The following KCNN4 variants were observed in gnomAD, a reference collection of about 807,000 sequenced individuals.
KCNN4 encodes intermediate conductance calcium-activated potassium channel protein 4.
In KCNN4, 31 loss-of-function variants were observed where a neutral mutation model predicts 45.2. The ratio of observed to expected loss-of-function variants is 0.69; its 90% CI spans 0.52 to 0.92. The LOEUF (loss-of-function observed/expected upper bound fraction) is 0.92. Ranked by LOEUF, KCNN4 falls within the 40% of genes least tolerant of loss-of-function variation. KCNN4 has a pLI of 0.00. For synonymous variants in KCNN4, 231 were observed against 254.6 expected (o/e 0.91, Z 0.88); for missense variants, 463 against 574.0 (o/e 0.81, Z 1.98).
rs141424796 is a variant in KCNN4, at chr19:43,774,829, C to T, written c.256-210G>A. ...TTTTCCTCCTTCCCCACCACCCACC[C>T]CACTAGTTTCAGCCCACTTCCAGCC... is the stretch of plus-strand genomic sequence containing the variant. On this transcript the variant is annotated intron_variant, in intron 2 of 8. Coordinates refer to ENST00000648319, the MANE Select transcript of KCNN4 (RefSeq NM_002250.3). This position sits in a 1 kb window ranked among gnomAD's most constrained non-coding sequence, Gnocchi z 5.6. Among the ~76,000 whole-genome samples the T allele has an allele frequency of 3.1e-3, 467 of 152,274 alleles. 4 individuals carry two copies. Among genetic ancestry groups the T allele is most frequent in the African/African-American group, 0.011 (441 of 41,540 alleles).
In KCNN4 at chr19:43,769,905, CGG is replaced by C; in HGVS notation, c.820-78_820-77del. The C allele has an allele frequency of 2.1e-6, 2 of 956,432 alleles. No homozygotes were observed. Among genetic ancestry groups the C allele is most frequent in the South Asian group, 1.4e-5 (1 of 70,558 alleles). 59.2% of individuals were successfully genotyped at this position (956,432 alleles called of 1,614,324 possible). On this transcript the variant is annotated intron_variant, in intron 4 of 8. Coordinates refer to ENST00000648319, the MANE Select transcript of KCNN4 (RefSeq NM_002250.3). This position sits in a 1 kb window ranked among gnomAD's most constrained non-coding sequence, Gnocchi z 4.4. ...CTTGAACCCGCCCAACAGCCACAGACGGTAGGCACGACCATCCCCAGTTAGCA... is the reference window on the plus strand; with the variant it reads ...CTTGAACCCGCCCAACAGCCACAGACTAGGCACGACCATCCCCAGTTAGCA...
At position 43,776,543 on chromosome 19, in the gene KCNN4, G is replaced by C. The variant is rs1395670723; in HGVS notation, c.253C>G (p.Gln85Glu). 6.2e-7 allele frequency: 1 copy of C among 1,609,062 alleles called. No homozygotes were observed. The highest frequency in any genetic ancestry group is 1.7e-5 in the Admixed American group (1 of 60,010). ...LIVAFHAKEV[Q>E]LFMTDNGLRD... ...CTTAGGGGCGGGGCCTGCCCTACCT[G>C]GACCTCTTTGGCATGAAAGGCCACG... is the stretch of plus-strand genomic sequence containing the variant. The change falls in exon 2 of 9, where the codon CAG becomes GAG. Residue 85 changes from glutamine (Q) to glutamate (E), a missense_variant and splice_region_variant. By Grantham distance (29) the Gln-to-Glu change is conservative (BLOSUM62 2). This residue lies in a region of KCNN4 where 225 missense variants were observed against 240.9 expected (regional missense o/e 0.93). Coordinates refer to ENST00000648319, the MANE Select transcript of KCNN4 (RefSeq NM_002250.3).
chr19:43,774,629 G>C lies in KCNN4; in HGVS notation c.256-10C>G, dbSNP rs563995. 1 of 1,486,284 alleles carries C rather than the reference G, an allele frequency of 6.7e-7. No individual in the cohort carries two copies. Among genetic ancestry groups the C allele is most frequent in the African/African-American group, 1.4e-5 (1 of 70,046 alleles). The allele number at this position is 1,486,284 out of a possible 1,614,324, so 92.1% of individuals were successfully genotyped here. ...TGTCGGTCATGAACAGCTGCCGGTA[G>C]GGGGCCAAGAAGGGAGGGGTCAGGA... On this transcript the variant is annotated splice_polypyrimidine_tract_variant and intron_variant, in intron 2 of 8. Transcript: ENST00000648319. The surrounding 1 kb of genome is among the most constrained non-coding windows in gnomAD (Gnocchi z 5.6).
chr19:43,779,959 G>A (rs531548752), intron 1 of KCNN4, among the ~76,000 whole-genome samples: 1 of 152,178 alleles, frequency 6.6e-6, no homozygotes, highest in East Asian at 1.9e-4. Flanking sequence ...TCGGGGGAGA[G>A]GTTTGTTTCC....
Position 43,774,633 on chromosome 19 carries a change from G to T in KCNN4, c.256-14C>A. ...GGTCATGAACAGCTGCCGGTAGGGG[G>T]CCAAGAAGGGAGGGGTCAGGAGCAG... On this transcript the variant is annotated splice_polypyrimidine_tract_variant and intron_variant, in intron 2 of 8. Coordinates refer to ENST00000648319, the MANE Select transcript of KCNN4 (RefSeq NM_002250.3). This position sits in a 1 kb window ranked among gnomAD's most constrained non-coding sequence, Gnocchi z 5.6. The T allele has an allele frequency of 6.7e-7, 1 of 1,486,042 alleles. No homozygotes were observed. 92.1% of individuals were successfully genotyped at this position (1,486,042 alleles called of 1,614,324 possible).
chr19:43,780,871 G>C lies in KCNN4; in HGVS notation c.-10C>G. 1 of 1,613,362 alleles carries C rather than the reference G, an allele frequency of 6.2e-7. No individual in the cohort carries two copies. Among genetic ancestry groups the C allele is most frequent in the Non-Finnish European group, 8.5e-7 (1 of 1,179,720 alleles). ...CCAGATCCCCGCCCATGGCCCCCGGGGTCTTGGGGCTCAGCCAGCTTCCTG... is the reference window on the plus strand; with the variant it reads ...CCAGATCCCCGCCCATGGCCCCCGGCGTCTTGGGGCTCAGCCAGCTTCCTG... On this transcript the variant is annotated 5_prime_UTR_variant, in exon 1 of 9. Transcript: ENST00000648319.
chr19:43,778,246 CT>C (rs35864088), intron 1 of KCNN4, among the ~76,000 whole-genome samples: 131,095 of 149,648 alleles, frequency 0.88, 57,678 homozygotes, highest in South Asian at 0.92. Flanking sequence ...TCTATTGTCT[CT>C]TTTTTTTTTT....
Position 43,780,517 on chromosome 19 carries a change from C to T in KCNN4, c.159+186G>A, listed in dbSNP as rs527298100. The stretch of plus-strand genomic sequence containing the variant: ...GCCCTCAGTCCCTCCTCCCTCAGAC[C>T]CAGGAGTCCAAGTCCCCAGTCCCTC... On this transcript the variant is annotated intron_variant, in intron 1 of 8. Transcript: ENST00000648319. Among the ~76,000 whole-genome samples, 76 of 143,540 alleles carry T rather than the reference C, an allele frequency of 5.3e-4. 2 individuals carry two copies. The highest frequency in any genetic ancestry group is 1.9e-3 in the African/African-American group (70 of 37,332). The allele number at this position is 143,540 out of a possible 152,430, so 94.2% of individuals were successfully genotyped here.
Position 43,769,410 on chromosome 19 carries a change from A to C in KCNN4, c.1049+32T>G. The C allele has an allele frequency of 6.4e-7, 1 of 1,557,120 alleles. No individual in the cohort carries two copies. Among genetic ancestry groups the C allele is most frequent in the Non-Finnish European group, 8.9e-7 (1 of 1,129,520 alleles). On this transcript the variant is annotated intron_variant, in intron 6 of 8. Coordinates refer to ENST00000648319, the MANE Select transcript of KCNN4 (RefSeq NM_002250.3). The surrounding 1 kb of genome is among the most constrained non-coding windows in gnomAD (Gnocchi z 4.4). ...AGAGGTGACTTGGACATGGGTGCAC[A>C]TGGACACGTGTGCATACAAAGCGGC...
intron 2 of KCNN4, among the ~76,000 whole-genome samples, chr19:43,775,644 A>G (rs1207656354): frequency 2.6e-5 from 4 of 152,136 alleles, no homozygotes; most frequent in Non-Finnish European, 5.9e-5. Flanking sequence ...CCCATTTTAC[A>G]TGCAAAGTTA....
chr19:43,780,819 G>C lies in KCNN4; in HGVS notation c.43C>G (p.Arg15Gly). ...LVLGLGALRR[R>G]KRLLEQEKSL... ...TTCTCCTGCTCCAGCAAGCGCTTTCGGCGTCTCAAGGCCCCCAGGCCAAGC... is the reference window on the plus strand; with the variant it reads ...TTCTCCTGCTCCAGCAAGCGCTTTCCGCGTCTCAAGGCCCCCAGGCCAAGC... The change falls in exon 1 of 9, where the codon CGA becomes GGA. Residue 15 changes from arginine (R) to glycine (G), a missense_variant. Physicochemically the swap from Arg to Gly is moderately radical, Grantham distance 125 (BLOSUM62 -2). Around this residue, in one of 3 missense-constraint regions of KCNN4, gnomAD observed 225 missense variants for 240.9 expected, o/e 0.93. Coordinates refer to ENST00000648319, the MANE Select transcript of KCNN4 (RefSeq NM_002250.3). The C allele has an allele frequency of 6.2e-7, 1 of 1,613,906 alleles. No homozygotes were observed. Among genetic ancestry groups the C allele is most frequent in the Non-Finnish European group, 8.5e-7 (1 of 1,179,930 alleles).
intron 1 of KCNN4, among the ~76,000 whole-genome samples, chr19:43,778,494 C>T (rs895341777): frequency 6.6e-6 from 1 of 152,214 alleles, no homozygotes; most frequent in Non-Finnish European, 1.5e-5. Flanking sequence ...CCACCTCGGC[C>T]TCCCAAAGTG....
Position 43,774,752 on chromosome 19 carries a change from G to C in KCNN4, c.256-133C>G, listed in dbSNP as rs1268059676. 1.5e-6 allele frequency: 1 copy of C among 676,676 alleles called. No homozygotes were observed. The highest frequency in any genetic ancestry group is 2.3e-6 in the Non-Finnish European group (1 of 433,344). The allele number at this position is 676,676 out of a possible 1,614,324, so 41.9% of individuals were successfully genotyped here. On this transcript the variant is annotated intron_variant, in intron 2 of 8. Coordinates refer to ENST00000648319, the MANE Select transcript of KCNN4 (RefSeq NM_002250.3). This position sits in a 1 kb window ranked among gnomAD's most constrained non-coding sequence, Gnocchi z 5.6. ...CCAGGAGGGAGGGAGTGCAGGGCGG[G>C]AGAGGGATAGGGAGGGAGCGGGACA...
chr19:43,778,773 G>A (rs1467695988), intron 1 of KCNN4, among the ~76,000 whole-genome samples: 1 of 151,980 alleles, frequency 6.6e-6, no homozygotes, highest in African/African-American at 2.4e-5. Context: ...CAGTTCCCTT[G>A]GACTCCCTAG....
At chr19:43,776,417 G>T (rs891320175) in intron 2 of KCNN4, 124 bp downstream of exon 2, 6 of 696,364 alleles carry the variant, frequency 8.6e-6, no homozygotes, top group South Asian at 1.7e-5. Flanking sequence ...GGGTGTGGAC[G>T]CAGCACCTAG....
chr19:43,780,808 C>G lies in KCNN4; in HGVS notation c.54G>C (p.Leu18Phe), dbSNP rs1478747370. 1 of 1,614,090 alleles carries G rather than the reference C, an allele frequency of 6.2e-7. No individual in the cohort carries two copies. ...GLGALRRRKR[L>F]LEQEKSLAGW... is the part of the protein sequence containing the mutation. ...CGGCCAGAGACTTCTCCTGCTCCAG[C>G]AAGCGCTTTCGGCGTCTCAAGGCCC... The change falls in exon 1 of 9, where the codon TTG becomes TTC. Residue 18 changes from leucine (L) to phenylalanine (F), a missense_variant. Coordinates refer to ENST00000648319, the MANE Select transcript of KCNN4 (RefSeq NM_002250.3).
chr19:43,778,295 A>C (rs796503472), intron 1 of KCNN4, among the ~76,000 whole-genome samples: 67 of 152,004 alleles, frequency 4.4e-4, no homozygotes, highest in African/African-American at 1.6e-3. Context: ...GCTGGAGTGC[A>C]GTGGCACGAT....
intron 1 of KCNN4, among the ~76,000 whole-genome samples, chr19:43,777,421 A>C (rs1245452635): frequency 6.6e-6 from 1 of 151,290 alleles, no homozygotes; most frequent in African/African-American, 2.4e-5. Context: ...CCTAGAAACC[A>C]ACTTCAATCA....
chr19:43,776,127 C>CAA lies in KCNN4; in HGVS notation c.255+412_255+413dup, dbSNP rs59704354. 2.4e-3 allele frequency among the ~76,000 whole-genome samples: 100 copies of CAA among 40,978 alleles called. 3 individuals are homozygous for CAA. Among genetic ancestry groups the CAA allele is most frequent in the African/African-American group, 6.5e-3 (66 of 10,108 alleles). 26.9% of individuals were successfully genotyped at this position (40,978 alleles called of 152,430 possible). On this transcript the variant is annotated intron_variant, in intron 2 of 8. Transcript: ENST00000648319. ...TGGGCAACAGAGCAAGACCTTGTCTCAAAAAAAAAAAAAAAAAAAAAAAAA... is the reference window on the plus strand; with the variant it reads ...TGGGCAACAGAGCAAGACCTTGTCTCAAAAAAAAAAAAAAAAAAAAAAAAAAA...
Sources: gnomAD v4.1 joint callset for allele counts (sites outside exome capture counted in the v4.1 genomes callset) on GRCh38, gnomAD v4.1.1 for gene constraint, gnomAD v4.1.1 regional missense constraint, Gnocchi (gnomAD v3.1) non-coding constraint, MANE v1.5 for transcripts, NCBI Gene and HGNC (gene_info 2026-07-23, HGNC 2026-07-21) for gene names.